Variants in SMARCAL1 observed in about 807,000 individuals in gnomAD.
SMARCAL1 encodes the protein ATP-driven annealing helicase.
A neutral mutation model predicts 94.5 loss-of-function variants in SMARCAL1; 58 were observed. The observed-to-expected ratio is 0.61, with a 90% CI of 0.50 to 0.76. SMARCAL1 has a LOEUF of 0.76. Ranked by LOEUF, SMARCAL1 falls within the 30% of genes least tolerant of loss-of-function variation. The probability of loss-of-function intolerance (pLI) is 0.00; values close to 1 mark genes in which losing one functional copy is unlikely to be tolerated. For missense variants in SMARCAL1, 1,051 were observed against 1,177.9 expected (o/e 0.89, Z 1.58); for synonymous variants, 422 against 455.1 (o/e 0.93, Z 0.93).
chr2:216,430,088 C>CTGGT (rs1168161399), intron 7 of SMARCAL1, among the ~76,000 whole-genome samples: 1 of 152,184 alleles, frequency 6.6e-6, no homozygotes, highest in Non-Finnish European at 1.5e-5. Context: ...GTGTTGGGTG[C>CTGGT]TGGTTTTACC....
chr2:216,461,499 T>G (rs112590177), intron 12 of SMARCAL1, among the ~76,000 whole-genome samples: 2 of 152,198 alleles, frequency 1.3e-5, no homozygotes, highest in African/African-American at 4.8e-5. Flanking sequence ...TACTGTCTTA[T>G]GAAGACTTTT....
intron 12 of SMARCAL1, among the ~76,000 whole-genome samples, chr2:216,456,140 A>T (rs1694561894): frequency 6.6e-6 from 1 of 150,782 alleles, no homozygotes; most frequent in Admixed American, 6.6e-5. Flanking sequence ...CAAGAAGAGA[A>T]GTTTAGAGAA....
At chr2:216,478,960 G>T in intron 17 of SMARCAL1, 1 of 155,676 alleles carries the variant, frequency 6.4e-6, no homozygotes, top group South Asian at 2.0e-4. Context: ...GAACAGGACA[G>T]CCCTGGGCCC....
intron 14 of SMARCAL1, among the ~76,000 whole-genome samples, chr2:216,472,976 A>ATC (rs1279367224): frequency 6.6e-6 from 1 of 152,176 alleles, no homozygotes; most frequent in Non-Finnish European, 1.5e-5. Flanking sequence ...ATCTAAGAAA[A>ATC]TCACCAAAAA....
intron 12 of SMARCAL1, among the ~76,000 whole-genome samples, chr2:216,460,489 T>C (rs919833166): frequency 6.6e-6 from 1 of 152,068 alleles, no homozygotes; most frequent in Non-Finnish European, 1.5e-5. Flanking sequence ...ATATACACCA[T>C]GGAATACTAT....
chr2:216,480,306 G>T (rs1467798695), intron 17 of SMARCAL1, among the ~76,000 whole-genome samples: 1 of 152,200 alleles, frequency 6.6e-6, no homozygotes, highest in Non-Finnish European at 1.5e-5. Context: ...AAAAGCAGAA[G>T]AGGTTATATC....
In SMARCAL1 at chr2:216,475,445, C is replaced by T. The variant is rs2106086558; in HGVS notation, c.2421C>T (p.Asn807=). 6.2e-7 allele frequency: 1 copy of T among 1,614,166 alleles called. No homozygotes were observed. Among genetic ancestry groups the T allele is most frequent in the Non-Finnish European group, 8.5e-7 (1 of 1,180,024 alleles). The change falls in exon 15 of 18, where the codon AAC becomes AAT. Residue 807 remains asparagine, a synonymous_variant. Coordinates refer to ENST00000357276, the MANE Select transcript of SMARCAL1 (RefSeq NM_014140.4). The surrounding 1 kb of genome is among the most constrained non-coding windows in gnomAD (Gnocchi z 4.4). ...TGGTGTTTGCTGAGCTGTTTTGGAACCCAGGGGTAAGAGACGCAGAAGACT... is the reference window on the plus strand; with the variant it reads ...TGGTGTTTGCTGAGCTGTTTTGGAATCCAGGGGTAAGAGACGCAGAAGACT... ...DLVVFAELFW[N]PGVLIQAEDR...
At chr2:216,416,048 C>T (rs1693593497) in intron 3 of SMARCAL1, 2 of 531,658 alleles carry the variant, frequency 3.8e-6, no homozygotes, top group Non-Finnish European at 6.9e-6. Flanking sequence ...CATAACTTCC[C>T]AGGGCCTGAG....
At chr2:216,455,362 C>T (rs1694541080) in intron 12 of SMARCAL1, among the ~76,000 whole-genome samples, 1 of 152,178 alleles carries the variant, frequency 6.6e-6, no homozygotes, top group Non-Finnish European at 1.5e-5. Context: ...GTGGTTCTTC[C>T]AGCATGGAGT....
At position 216,467,934 on chromosome 2, in the gene SMARCAL1, T is replaced by A. The variant is rs1398720810; in HGVS notation, c.2142-10T>A. 1 of 1,530,836 alleles carries A rather than the reference T, an allele frequency of 6.5e-7. No individual in the cohort carries two copies. Among genetic ancestry groups the A allele is most frequent in the Non-Finnish European group, 9.1e-7 (1 of 1,104,308 alleles). 94.8% of individuals were successfully genotyped at this position (1,530,836 alleles called of 1,614,324 possible). ...TGTTTAATCTGTTTTGTTGTCATTGTCAAATGCAGTGAATATATCTTGGAC... is the reference window on the plus strand; with the variant it reads ...TGTTTAATCTGTTTTGTTGTCATTGACAAATGCAGTGAATATATCTTGGAC... On this transcript the variant is annotated splice_polypyrimidine_tract_variant and intron_variant, in intron 13 of 17. Coordinates refer to ENST00000357276, the MANE Select transcript of SMARCAL1 (RefSeq NM_014140.4).
At chr2:216,477,042 A>G in intron 15 of SMARCAL1, 67 bp from the exon 16 acceptor site, 2 of 1,303,530 alleles carry the variant, frequency 1.5e-6, no homozygotes, top group Non-Finnish European at 1.1e-6. Flanking sequence ...GAGAGGAACC[A>G]TACCTGCTAT....
chr2:216,423,524 T>C, intron 5 of SMARCAL1, 109 bp from the exon 6 acceptor site: 1 of 920,752 alleles, frequency 1.1e-6, no homozygotes, highest in Non-Finnish European at 1.8e-6. Context: ...GCTGCCACAT[T>C]GTCTAAGCTG....
chr2:216,445,555 A>G (rs1694292704), intron 10 of SMARCAL1, among the ~76,000 whole-genome samples: 1 of 152,158 alleles, frequency 6.6e-6, no homozygotes, highest in Non-Finnish European at 1.5e-5. Flanking sequence ...CAGTGACATG[A>G]AGAATAGGTT....
rs547667698 is a variant in SMARCAL1, at chr2:216,471,634, G to A, written c.2244+3588G>A. ...CTCCCAAAGTGCTAAGATTACAGGC[G>A]TGAGCCACCATGCCCAGCCCACAGT... On this transcript the variant is annotated intron_variant, in intron 14 of 17. Transcript: ENST00000357276. Among the ~76,000 whole-genome samples, 9 of 152,262 alleles carry A rather than the reference G, an allele frequency of 5.9e-5. No individual in the cohort carries two copies. The South Asian group carries it at 6.2e-4, about 11-fold the overall frequency.
chr2:216,428,101 A>G (rs2106028566), intron 6 of SMARCAL1, among the ~76,000 whole-genome samples: 1 of 152,332 alleles, frequency 6.6e-6, no homozygotes, highest in South Asian at 2.1e-4. Flanking sequence ...TCAAAGGAAA[A>G]TTATAAAAGG....
intron 4 of SMARCAL1, among the ~76,000 whole-genome samples, chr2:216,418,309 G>C (rs111735996): frequency 1.3e-5 from 2 of 152,140 alleles, no homozygotes; most frequent in African/African-American, 4.8e-5. Context: ...GAAGCTCATA[G>C]AAGAGAAAAA....
intron 11 of SMARCAL1, among the ~76,000 whole-genome samples, chr2:216,449,288 A>C (rs1694390518): frequency 6.6e-6 from 1 of 152,234 alleles, no homozygotes; most frequent in African/African-American, 2.4e-5. Flanking sequence ...TGGGGGACAC[A>C]TTTAAGCCAT....
intron 6 of SMARCAL1, among the ~76,000 whole-genome samples, chr2:216,428,314 G>GT (rs1004864946): frequency 2.0e-5 from 3 of 152,120 alleles, no homozygotes; most frequent in African/African-American, 4.8e-5. Flanking sequence ...GAATAAAGGG[G>GT]TTTTTTCCCC....
rs754588819 is a variant in SMARCAL1, at chr2:216,475,464, G to A, written c.2427+13G>A. 1 of 1,614,000 alleles carries A rather than the reference G, an allele frequency of 6.2e-7. No homozygotes were observed. The highest frequency in any genetic ancestry group is 8.5e-7 in the Non-Finnish European group (1 of 1,179,848). ...TTGGAACCCAGGGGTAAGAGACGCA[G>A]AAGACTCAGATACTCCCCAGGCATG... On this transcript the variant is annotated intron_variant, in intron 15 of 17. Coordinates refer to ENST00000357276, the MANE Select transcript of SMARCAL1 (RefSeq NM_014140.4). The surrounding 1 kb of genome is among the most constrained non-coding windows in gnomAD (Gnocchi z 4.4).
Sources: gnomAD v4.1 joint callset for allele counts (sites outside exome capture counted in the v4.1 genomes callset) on GRCh38, gnomAD v4.1.1 for gene constraint, Gnocchi (gnomAD v3.1) non-coding constraint, MANE v1.5 for transcripts, NCBI Gene and HGNC (gene_info 2026-07-23, HGNC 2026-07-21) for gene names.